TSPAN7: variants seen among roughly 807,000 people sequenced by gnomAD.
TSPAN7 encodes tetraspanin 7, also known as tetraspanin-7.
TSPAN7 carries 1 observed loss-of-function variant against 17.6 expected under a neutral mutation model. The ratio of observed to expected loss-of-function variants is 0.06; its 90% CI spans 0.02 to 0.27. The LOEUF is 0.27. TSPAN7 is among the 10% of genes least tolerant of loss of function. The pLI is 1.00. For missense variants in TSPAN7, 112 were observed against 201.7 expected, an observed-to-expected ratio of 0.56 and a Z score of 2.69; for synonymous variants, 78 against 79.0, an observed-to-expected ratio of 0.99 and a Z score of 0.07.
chrX:38,671,537 A>G, intron 3 of TSPAN7, 87 bp downstream of exon 3: 1 of 901,279 alleles, frequency 1.1e-6, no homozygotes, highest in Non-Finnish European at 1.6e-6. Context: ...AAGGGTGCAT[A>G]TAGGCTAGCT....
intron 1 of TSPAN7, among the ~76,000 whole-genome samples, chrX:38,575,724 TAAA>T (rs779608457): frequency 8.9e-6 from 1 of 112,191 alleles, no homozygotes; most frequent in Admixed American, 9.4e-5. Context: ...AGCAATTAAA[TAAA>T]AAATAAATGT....
intron 1 of TSPAN7, among the ~76,000 whole-genome samples, chrX:38,591,822 C>T (rs1259050788): frequency 8.9e-6 from 1 of 112,228 alleles, no homozygotes; most frequent in Non-Finnish European, 1.9e-5. Context: ...ATTAACATAA[C>T]AACATAACCA....
intron 1 of TSPAN7, among the ~76,000 whole-genome samples, chrX:38,648,591 G>C (rs150869786): frequency 0.02 from 2,220 of 111,778 alleles, 66 homozygotes; most frequent in African/African-American, 0.068. Context: ...TAGGACTACA[G>C]GTGTGGGCCA....
chrX:38,589,021 C>A (rs2069275185), intron 1 of TSPAN7, among the ~76,000 whole-genome samples: 1 of 111,835 alleles, frequency 8.9e-6, no homozygotes, highest in African/African-American at 3.2e-5. Context: ...ACATGGAAGC[C>A]ATTTTGCTAA....
intron 1 of TSPAN7, among the ~76,000 whole-genome samples, chrX:38,571,847 A>G (rs1290437600): frequency 9.0e-6 from 1 of 111,125 alleles, no homozygotes; most frequent in Admixed American, 9.5e-5. Flanking sequence ...ATGCTTTCCT[A>G]TGATATGATC....
At chrX:38,671,835 G>A (rs965202565) in intron 3 of TSPAN7, among the ~76,000 whole-genome samples, 1 of 111,079 alleles carries the variant, frequency 9.0e-6, no homozygotes, top group African/African-American at 3.3e-5. Flanking sequence ...CTTGAGGCCA[G>A]AAGTTCAAGA....
chrX:38,589,855 A>G (rs1479420077), intron 1 of TSPAN7, among the ~76,000 whole-genome samples: 1 of 111,947 alleles, frequency 8.9e-6, no homozygotes, highest in Admixed American at 9.4e-5. Flanking sequence ...CGCTAAATAC[A>G]TTATGCGTTT....
At chrX:38,657,905 C>G (rs2069713675) in intron 1 of TSPAN7, among the ~76,000 whole-genome samples, 1 of 112,094 alleles carries the variant, frequency 8.9e-6, no homozygotes, top group Non-Finnish European at 1.9e-5. Flanking sequence ...TCAAAAGCAT[C>G]TGTGATTTGT....
chrX:38,677,356 CTG>C (rs751753877), intron 5 of TSPAN7, among the ~76,000 whole-genome samples: 1 of 112,408 alleles, frequency 8.9e-6, no homozygotes, highest in Non-Finnish European at 1.9e-5. Context: ...TACATGTTAA[CTG>C]TAATACAAAT....
chrX:38,566,566 A>T (rs2069144621), intron 1 of TSPAN7, among the ~76,000 whole-genome samples: 1 of 112,041 alleles, frequency 8.9e-6, no homozygotes, highest in Non-Finnish European at 1.9e-5. Flanking sequence ...TAGTGATTTA[A>T]ATGTGCTCCT....
At chrX:38,651,790 TAA>T in intron 1 of TSPAN7, among the ~76,000 whole-genome samples, 1 of 112,173 alleles carries the variant, frequency 8.9e-6, no homozygotes, top group African/African-American at 3.2e-5. Flanking sequence ...ATACCATTAC[TAA>T]TAGCACCTTA....
At chrX:38,659,154 A>G (rs1332139951) in intron 1 of TSPAN7, among the ~76,000 whole-genome samples, 1 of 111,610 alleles carries the variant, frequency 9.0e-6, no homozygotes, top group African/African-American at 3.3e-5. Flanking sequence ...TAACAGTGGG[A>G]TCTTCTTATA....
At chrX:38,566,260 A>G (rs1318159873) in intron 1 of TSPAN7, 2 of 748,537 alleles carry the variant, frequency 2.7e-6, no homozygotes, top group African/African-American at 4.5e-5. Flanking sequence ...GTTAAATAAT[A>G]TCACCTGAAT....
chrX:38,638,440 A>G (rs1435985456), intron 1 of TSPAN7, among the ~76,000 whole-genome samples: 1 of 112,376 alleles, frequency 8.9e-6, no homozygotes, highest in Non-Finnish European at 1.9e-5. Flanking sequence ...TAGTGAGGGT[A>G]AGTATTGTTT....
chrX:38,592,268 C>A lies in TSPAN7; in HGVS notation c.81+30641C>A, dbSNP rs1280741269. 2.7e-5 allele frequency among the ~76,000 whole-genome samples: 3 copies of A among 111,456 alleles called. No homozygotes were observed. The Admixed American group carries it at 2.8e-4, about 11-fold the overall frequency. On this transcript the variant is annotated intron_variant, in intron 1 of 7. Transcript: ENST00000378482. The stretch of plus-strand genomic sequence containing the variant: ...TATCTCTTCCCACTCCAAATTTAAA[C>A]CTATTTGTACCTTTATATGTAAAGT...
chrX:38,599,683 G>A (rs1390133155), intron 1 of TSPAN7, among the ~76,000 whole-genome samples: 1 of 111,014 alleles, frequency 9.0e-6, no homozygotes, highest in African/African-American at 3.3e-5. Context: ...GTATTAGCTT[G>A]CCCTACATTT....
At chrX:38,655,940 G>T (rs1165342965) in intron 1 of TSPAN7, 1 of 305,602 alleles carries the variant, frequency 3.3e-6, no homozygotes, top group Non-Finnish European at 6.4e-6. Context: ...TGAGAAAGAA[G>T]TGTGCCACTG....
intron 1 of TSPAN7, among the ~76,000 whole-genome samples, chrX:38,639,136 G>A (rs760639634): frequency 2.7e-4 from 30 of 111,335 alleles, no homozygotes; most frequent in Non-Finnish European, 3.4e-4. Flanking sequence ...GGGACTTCTC[G>A]TGTGATAATG....
chrX:38,687,267 T>G, intron 6 of TSPAN7, among the ~76,000 whole-genome samples: 1 of 111,540 alleles, frequency 9.0e-6, no homozygotes, highest in East Asian at 2.8e-4. Flanking sequence ...ATGAACAAAT[T>G]TTAATACTCC....
Sources: allele counts gnomAD v4.1 joint callset (sites outside exome capture counted in the v4.1 genomes callset), GRCh38; gene constraint gnomAD v4.1.1; transcripts MANE v1.5; gene names NCBI Gene and HGNC (gene_info 2026-07-23, HGNC 2026-07-21).